Variants in PTBP3 observed in about 807,000 individuals in gnomAD.
PTBP3 encodes the protein polypyrimidine tract binding protein 3.
A neutral mutation model predicts 58.7 loss-of-function variants in PTBP3; 20 were observed. That is an observed-to-expected ratio of 0.34 (90% CI 0.24 to 0.50). The LOEUF (loss-of-function observed/expected upper bound fraction) is 0.50. Ranked by LOEUF, PTBP3 falls within the 20% of genes least tolerant of loss-of-function variation. The pLI, the probability that PTBP3 is intolerant of heterozygous loss-of-function variation, is 0.98. For missense variants in PTBP3, 509 were observed against 637.2 expected (o/e 0.80, Z 2.17); for synonymous variants, 185 against 219.8 (o/e 0.84, Z 1.40).
At chr9:112,379,806 GA>G in the PTBP3 span, 3 of 444,350 alleles carry the variant, frequency 6.8e-6, no homozygotes, top group South Asian at 5.0e-5. Flanking sequence ...TAGAGACAGG[GA>G]AAAGGTGGAC....
chr9:112,349,928 C>G, the PTBP3 span, among the ~76,000 whole-genome samples: 2 of 144,382 alleles, frequency 1.4e-5, no homozygotes, highest in Non-Finnish European at 3.0e-5. Flanking sequence ...TTGGAAATTG[C>G]CTGTTGGAGA....
the PTBP3 span, among the ~76,000 whole-genome samples, chr9:112,350,219 A>T: frequency 6.6e-6 from 1 of 152,058 alleles, no homozygotes; most frequent in Non-Finnish European, 1.5e-5. Context: ...GGGGACTCAG[A>T]GGGTAAAGGG....
the PTBP3 span, among the ~76,000 whole-genome samples, chr9:112,370,664 G>A: frequency 6.6e-6 from 1 of 152,176 alleles, no homozygotes; most frequent in African/African-American, 2.4e-5. Flanking sequence ...CCATTTCTAT[G>A]AATAAAGCTA....
intron 7 of PTBP3, among the ~76,000 whole-genome samples, chr9:112,237,559 T>C (rs145588817): frequency 3.2e-4 from 48 of 152,298 alleles, no homozygotes; most frequent in African/African-American, 1.1e-3. Context: ...CTAACCTTAC[T>C]GCAGAAAAAC....
At chr9:112,283,070 C>T (rs1473937422) in intron 2 of PTBP3, among the ~76,000 whole-genome samples, 1 of 152,216 alleles carries the variant, frequency 6.6e-6, no homozygotes, top group Non-Finnish European at 1.5e-5. Flanking sequence ...TTTCCTGAGG[C>T]CTCGCCTGCC....
chr9:112,314,489 A>G (rs1829622112), intron 1 of PTBP3, among the ~76,000 whole-genome samples: 1 of 152,132 alleles, frequency 6.6e-6, no homozygotes, highest in African/African-American at 2.4e-5. Flanking sequence ...TGAGCCCAGA[A>G]GTTTGAGATC....
intron 1 of PTBP3, among the ~76,000 whole-genome samples, chr9:112,302,406 A>G (rs1828975469): frequency 2.2e-4 from 1 of 4,646 alleles, no homozygotes; most frequent in Admixed American, 3.0e-3. Flanking sequence ...TGCTGTGAGG[A>G]ACCAACTCTT....
At chr9:112,224,277 C>G (rs1323396412) in intron 12 of PTBP3, 67 bp from the exon 13 acceptor site, 3 of 963,500 alleles carry the variant, frequency 3.1e-6, no homozygotes, top group Non-Finnish European at 4.6e-6. Flanking sequence ...TTAACTCTTG[C>G]AATCATCAAA....
chr9:112,323,300 G>C (rs1377689749), intron 1 of PTBP3, among the ~76,000 whole-genome samples: 1 of 152,140 alleles, frequency 6.6e-6, no homozygotes, highest in Admixed American at 6.6e-5. Context: ...CTGCCTCCTG[G>C]AATCACCTCG....
At chr9:112,366,304 A>C in the PTBP3 span, among the ~76,000 whole-genome samples, 1,293 of 151,904 alleles carry the variant, frequency 8.5e-3, 27 homozygotes, top group African/African-American at 0.03. Context: ...TTGCATAAGT[A>C]ATGAGGAGCT....
At chr9:112,377,572 C>T in the PTBP3 span, among the ~76,000 whole-genome samples, 41 of 152,284 alleles carry the variant, frequency 2.7e-4, no homozygotes, top group African/African-American at 7.9e-4. Context: ...TCTCCAACCC[C>T]TTTAATTTGG....
rs867130149 is a variant in PTBP3, at chr9:112,221,459, A to T, written c.*2392T>A. On this transcript the variant is annotated 3_prime_UTR_variant, in exon 14 of 14. Transcript: ENST00000374257. ...AATGTTATGAGAATCATGAATTAAT[A>T]AATTACACAGTAATTCCTAACTTAA... 2 of 985,362 alleles carry T rather than the reference A, an allele frequency of 2.0e-6. No homozygotes were observed. Among genetic ancestry groups the T allele is most frequent in the African/African-American group, 3.5e-5 (2 of 57,356 alleles). 61.0% of individuals were successfully genotyped at this position (985,362 alleles called of 1,614,324 possible).
intron 1 of PTBP3, chr9:112,333,089 C>T: frequency 7.8e-7 from 1 of 1,278,232 alleles, no homozygotes; most frequent in Non-Finnish European, 9.8e-7. Context: ...TCCGCCTCCC[C>T]CAGCGCCGCG....
rs779938070 is a variant in PTBP3 at position 112,268,219 on chromosome 9, A to C, written c.205-24T>G. ...GCCTGCAATAAACACAAGAAGGTAA[A>C]GTTAAAGCTCATCTTTTTGAAAGAC... is the stretch of plus-strand genomic sequence containing the variant. On this transcript the variant is annotated intron_variant, in intron 3 of 13. Coordinates refer to ENST00000374257, the MANE Select transcript of PTBP3 (RefSeq NM_001163788.4). 2.5e-6 allele frequency: 4 copies of C among 1,590,654 alleles called. No homozygotes were observed. The South Asian group carries it at 3.5e-5, about 14-fold the overall frequency.
intron 7 of PTBP3, among the ~76,000 whole-genome samples, chr9:112,244,517 A>AT (rs1377305773): frequency 5.6e-4 from 84 of 149,734 alleles, no homozygotes; most frequent in Non-Finnish European, 1.0e-3. Flanking sequence ...CTACAAAAAA[A>AT]TTTTTTTTTT....
At chr9:112,349,806 G>A in the PTBP3 span, among the ~76,000 whole-genome samples, 1 of 142,246 alleles carries the variant, frequency 7.0e-6, no homozygotes, top group East Asian at 2.1e-4. Flanking sequence ...GAAGGTTGCG[G>A]TGAACCGAGA....
intron 4 of PTBP3, among the ~76,000 whole-genome samples, chr9:112,262,822 T>C (rs561499188): frequency 6.6e-6 from 1 of 152,336 alleles, no homozygotes; most frequent in South Asian, 2.1e-4. Context: ...TAAATTTACT[T>C]GAAGAATAAA....
At chr9:112,371,000 C>T in the PTBP3 span, among the ~76,000 whole-genome samples, 2 of 151,910 alleles carry the variant, frequency 1.3e-5, no homozygotes, top group South Asian at 4.1e-4. Context: ...CATTTATTAG[C>T]TCTAGTAGTT....
At chr9:112,235,539 G>A (rs1326864443) in intron 7 of PTBP3, among the ~76,000 whole-genome samples, 10 of 152,126 alleles carry the variant, frequency 6.6e-5, no homozygotes, top group South Asian at 2.1e-4. Context: ...CAACAAAAAC[G>A]GGAGTTCCAA....
Sources: allele counts gnomAD v4.1 joint callset (sites outside exome capture counted in the v4.1 genomes callset), GRCh38; gene constraint gnomAD v4.1.1; transcripts MANE v1.5; gene names NCBI Gene and HGNC (gene_info 2026-07-23, HGNC 2026-07-21).